Variants in GLIS3 observed in about 807,000 individuals in gnomAD.
GLIS3 encodes GLIS family zinc finger 3, also known as zinc finger protein GLIS3.
GLIS3 carries 53 observed loss-of-function variants against 78.6 expected under a neutral mutation model. The observed-to-expected ratio is 0.67, with a 90% CI of 0.54 to 0.85. The LOEUF is 0.85. GLIS3 is among the 40% of genes least tolerant of loss of function. The pLI is 0.00. For synonymous variants in GLIS3, 684 were observed against 509.9 expected (o/e 1.34, Z -4.60); for missense variants, 1,703 against 1,231.1 (o/e 1.38, Z -5.74).
chr9:3,852,461 C>T (rs937347336), intron 9 of GLIS3, among the ~76,000 whole-genome samples: 1 of 152,128 alleles, frequency 6.6e-6, no homozygotes, highest in African/African-American at 2.4e-5. Flanking sequence ...TGACGGTGTT[C>T]CCTGTTACCA....
At chr9:3,842,975 G>A (rs959301359) in intron 9 of GLIS3, among the ~76,000 whole-genome samples, 30 of 152,232 alleles carry the variant, frequency 2.0e-4, no homozygotes, top group African/African-American at 7.2e-4. Flanking sequence ...GTTCCAAAAG[G>A]GCCTTGAATT....
intron 2 of GLIS3, among the ~76,000 whole-genome samples, chr9:4,176,822 C>T (rs988518024): frequency 6.6e-6 from 1 of 152,234 alleles, no homozygotes; most frequent in Non-Finnish European, 1.5e-5. Context: ...TGGGGTTTCA[C>T]CACATTGGCC....
intron 4 of GLIS3, among the ~76,000 whole-genome samples, chr9:4,032,902 G>A (rs1024528476): frequency 6.6e-6 from 1 of 151,664 alleles, no homozygotes; most frequent in African/African-American, 2.4e-5. Context: ...CGCCCAGGCT[G>A]GAGTGCGGTG....
chr9:4,245,176 A>G (rs1346199345), intron 2 of GLIS3, among the ~76,000 whole-genome samples: 1 of 152,212 alleles, frequency 6.6e-6, no homozygotes, highest in East Asian at 1.9e-4. Flanking sequence ...CTGAGCAACA[A>G]TCAGTCCAGA....
rs1818890119 is a variant in GLIS3, at chr9:3,977,451, A to C, written c.1711-40262T>G. Among the ~76,000 whole-genome samples, 1 of 152,184 alleles carries C rather than the reference A, an allele frequency of 6.6e-6. No homozygotes were observed. Among genetic ancestry groups the C allele is most frequent in the Non-Finnish European group, 1.5e-5 (1 of 68,040 alleles). On this transcript the variant is annotated intron_variant, in intron 4 of 10. Transcript: ENST00000381971. The surrounding 1 kb of genome is among the most constrained non-coding windows in gnomAD (Gnocchi z 4.1). Reference sequence around the variant, plus strand: ...AGTGCTATTATTAAAAAGACTAATGAGAGCTGCTCGGTAAGAAAAGAAAAG... The same window carrying C: ...AGTGCTATTATTAAAAAGACTAATGCGAGCTGCTCGGTAAGAAAAGAAAAG...
At chr9:4,326,295 G>A (rs1359100132) in intron 2 of GLIS3, among the ~76,000 whole-genome samples, 1 of 152,178 alleles carries the variant, frequency 6.6e-6, no homozygotes, top group Admixed American at 6.5e-5. Context: ...GAAAAAGGTA[G>A]AAACAATCTA....
At chr9:4,176,050 A>G (rs968582634) in intron 2 of GLIS3, among the ~76,000 whole-genome samples, 3 of 152,204 alleles carry the variant, frequency 2.0e-5, no homozygotes, top group African/African-American at 7.2e-5. Context: ...AAGTGTGCCA[A>G]ATGACACATG....
At chr9:3,907,157 T>C (rs577537957) in intron 6 of GLIS3, among the ~76,000 whole-genome samples, 1 of 152,202 alleles carries the variant, frequency 6.6e-6, no homozygotes, top group Non-Finnish European at 1.5e-5. Flanking sequence ...TGATTGGACA[T>C]GTGCACTGGG....
At chr9:3,980,957 C>T (rs937319247) in intron 4 of GLIS3, among the ~76,000 whole-genome samples, 2 of 152,204 alleles carry the variant, frequency 1.3e-5, no homozygotes, top group Non-Finnish European at 2.9e-5. Context: ...GACAGCCCTC[C>T]TGCTCAGCAT....
the GLIS3 span, among the ~76,000 whole-genome samples, chr9:4,398,112 G>A: frequency 6.6e-6 from 1 of 152,006 alleles, no homozygotes. Flanking sequence ...ATGCTTTGGT[G>A]AGTCATCCCA....
the GLIS3 span, among the ~76,000 whole-genome samples, chr9:4,464,134 G>C: frequency 1.5e-4 from 23 of 151,756 alleles, no homozygotes; most frequent in African/African-American, 5.6e-4. Flanking sequence ...TCTGTGTCAG[G>C]TTTTTTTTAT....
chr9:3,836,676 C>T (rs544783818), intron 9 of GLIS3, among the ~76,000 whole-genome samples: 3 of 152,280 alleles, frequency 2.0e-5, no homozygotes, highest in African/African-American at 7.2e-5. Flanking sequence ...TAGGGCAACT[C>T]GCTCCTTGGT....
the GLIS3 span, among the ~76,000 whole-genome samples, chr9:4,403,115 G>C: frequency 6.6e-6 from 1 of 152,150 alleles, no homozygotes; most frequent in African/African-American, 2.4e-5. Context: ...CAACATGTCT[G>C]GCAGCAAACT....
intron 2 of GLIS3, among the ~76,000 whole-genome samples, chr9:4,225,895 C>G (rs1477701859): frequency 6.6e-6 from 1 of 152,126 alleles, no homozygotes; most frequent in Non-Finnish European, 1.5e-5. Flanking sequence ...AGGAGAAGGT[C>G]AAAGCAACCC....
rs146495848 is a variant in GLIS3, at chr9:4,118,477, G to A, written c.1001C>T (p.Ser334Leu). ...GGACAGGTTGGCCGGCGAAGCCCTC[G>A]ACCCGTTGATGTAGGCCACCAAGGA... The part of the protein sequence containing the change: ...PTSLVAYING[S>L]RASPANLSPQ... The change falls in exon 4 of 11, where the codon TCG (serine) becomes TTG (leucine). Residue 334 changes from serine (S) to leucine (L), a missense_variant. Ser to Leu is a moderately radical substitution (Grantham distance 145). Transcript: ENST00000381971. This position sits in a 1 kb window ranked among gnomAD's most constrained non-coding sequence, Gnocchi z 4.7. 11 of 1,614,014 alleles carry A rather than the reference G, an allele frequency of 6.8e-6. No individual in the cohort carries two copies. Among genetic ancestry groups the A allele is most frequent in the Non-Finnish European group, 9.3e-6 (11 of 1,180,030 alleles).
In GLIS3 at chr9:4,296,821, G is replaced by A. The variant is rs1044981442; in HGVS notation, c.-99+2600C>T. ...CAAAGGTAGCCTCAGAGCTAGTCTG[G>A]CTGCGCAGATGACCAGTGAAAATAA... is the stretch of plus-strand genomic sequence containing the variant. On this transcript the variant is annotated intron_variant, in intron 1 of 10. Transcript: ENST00000381971. 4.0e-5 allele frequency among the ~76,000 whole-genome samples: 6 copies of A among 150,798 alleles called. 1 individual carries two copies. Among genetic ancestry groups the A allele is most frequent in the East Asian group, 2.0e-4 (1 of 5,090 alleles).
chr9:4,229,457 T>G (rs1822066431), intron 2 of GLIS3, among the ~76,000 whole-genome samples: 1 of 152,210 alleles, frequency 6.6e-6, no homozygotes, highest in Admixed American at 6.5e-5. Flanking sequence ...CCTACTGGAA[T>G]AACAGAAAAG....
the GLIS3 span, among the ~76,000 whole-genome samples, chr9:4,357,886 CT>C: frequency 6.6e-6 from 1 of 152,192 alleles, no homozygotes; most frequent in African/African-American, 2.4e-5. Flanking sequence ...AAGATGTTTG[CT>C]GTTAAATTGT....
intron 2 of GLIS3, among the ~76,000 whole-genome samples, chr9:4,155,621 T>C (rs1834994938): frequency 2.6e-5 from 4 of 152,210 alleles, no homozygotes; most frequent in Non-Finnish European, 5.9e-5. Flanking sequence ...AAAGCCCTCC[T>C]GAATTTCAGA....
Sources: allele counts gnomAD v4.1 joint callset (sites outside exome capture counted in the v4.1 genomes callset), GRCh38; gene constraint gnomAD v4.1.1; non-coding constraint Gnocchi (gnomAD v3.1); transcripts MANE v1.5; gene names NCBI Gene and HGNC (gene_info 2026-07-23, HGNC 2026-07-21).